The following QKI variants were observed in gnomAD, a reference collection of about 807,000 sequenced individuals.
QKI encodes the protein KH domain-containing RNA-binding protein QKI.
Under a neutral mutation model 39.0 loss-of-function variants are expected in QKI, and 10 were observed. The ratio of observed to expected loss-of-function variants is 0.26; its 90% CI spans 0.16 to 0.43. The LOEUF is 0.43. Among genes scored for constraint, QKI ranks in the 20% least tolerant of loss-of-function variants. The pLI is 1.00. For missense variants in QKI, 218 were observed against 428.0 expected (o/e 0.51, Z 4.33); for synonymous variants, 204 against 155.4 (o/e 1.31, Z -2.33).
chr6:163,514,022 A>G (rs955757074), intron 3 of QKI, among the ~76,000 whole-genome samples: 2 of 152,114 alleles, frequency 1.3e-5, no homozygotes, highest in East Asian at 1.9e-4. Flanking sequence ...GCAGTCCTCT[A>G]CCCTTGACCT....
At chr6:163,454,896 G>A (rs1289096026) in intron 1 of QKI, among the ~76,000 whole-genome samples, 3 of 152,122 alleles carry the variant, frequency 2.0e-5, no homozygotes, top group Non-Finnish European at 4.4e-5. Flanking sequence ...AGAGGCTTTG[G>A]TATTAGTTTT....
intron 3 of QKI, among the ~76,000 whole-genome samples, chr6:163,507,000 A>G (rs1779141420): frequency 6.6e-6 from 1 of 152,166 alleles, no homozygotes; most frequent in South Asian, 2.1e-4. Context: ...TAGAAGACCA[A>G]CTTGATTCTG....
In QKI at chr6:163,468,817, G is replaced by A. The variant is rs139228407; in HGVS notation, c.286-9963G>A. On this transcript the variant is annotated intron_variant, in intron 2 of 7. Transcript: ENST00000361752. ...AATTGAATGAAGCTGCAGAACTGGC[G>A]TGATAAATCAACACAGAATGAATTT... Among the ~76,000 whole-genome samples, 28 of 152,202 alleles carry A rather than the reference G, an allele frequency of 1.8e-4. No individual in the cohort carries two copies. In the East Asian group the frequency reaches 4.6e-3, roughly 25 times the overall value.
chr6:163,562,197 G>C (rs1324281342), intron 5 of QKI, 128 bp downstream of exon 5: 4 of 496,890 alleles, frequency 8.1e-6, no homozygotes, highest in Non-Finnish European at 1.4e-5. Flanking sequence ...TCTGTCACTT[G>C]ATATGGGGCT....
intron 1 of QKI, 72 bp from the exon 2 acceptor site, chr6:163,455,207 C>T: frequency 1.6e-6 from 2 of 1,286,352 alleles, no homozygotes; most frequent in South Asian, 1.6e-5. Flanking sequence ...CTCCCCTGCC[C>T]TCTCTTTTTT....
chr6:163,566,449 A>C (rs1583232900), intron 6 of QKI: 4 of 1,295,180 alleles, frequency 3.1e-6, no homozygotes, highest in Non-Finnish European at 3.9e-6. Context: ...GTTTGGATCT[A>C]ATAGAGCTCA....
chr6:163,561,258 G>A (rs116904808), intron 4 of QKI, among the ~76,000 whole-genome samples: 7 of 152,248 alleles, frequency 4.6e-5, no homozygotes, highest in Middle Eastern at 6.8e-3. Context: ...GTGCACGCGC[G>A]TGTGTGTATG....
intron 3 of QKI, among the ~76,000 whole-genome samples, chr6:163,510,277 A>C (rs1346266655): frequency 6.7e-6 from 1 of 149,710 alleles, no homozygotes; most frequent in African/African-American, 2.5e-5. Context: ...CTAAAAAGCA[A>C]GCCAAGTGCA....
intron 3 of QKI, among the ~76,000 whole-genome samples, chr6:163,528,369 A>G (rs913320545): frequency 2.0e-5 from 3 of 152,082 alleles, no homozygotes; most frequent in Non-Finnish European, 4.4e-5. Flanking sequence ...TTTTAGGTCA[A>G]TTTCTCATGT....
In QKI at chr6:163,517,654, A is replaced by G. The variant is rs918025925; in HGVS notation, c.403-17328A>G. 3.3e-5 allele frequency among the ~76,000 whole-genome samples: 5 copies of G among 152,286 alleles called. No homozygotes were observed. In the East Asian group the frequency reaches 9.6e-4, roughly 29 times the overall value. On this transcript the variant is annotated intron_variant, in intron 3 of 7. Transcript: ENST00000361752. ...ACTAAATGGCCACTGTTTTCCATTTATAGTCCACCTCTTGAAAAAATATAC... is the reference window on the plus strand; with the variant it reads ...ACTAAATGGCCACTGTTTTCCATTTGTAGTCCACCTCTTGAAAAAATATAC...
chr6:163,554,754 G>GC (rs1562538814), intron 4 of QKI, among the ~76,000 whole-genome samples: 1 of 152,194 alleles, frequency 6.6e-6, no homozygotes, highest in Non-Finnish European at 1.5e-5. Flanking sequence ...TGATCATCAT[G>GC]CCTTGTCAGG....
At chr6:163,443,585 A>T (rs1244301118) in intron 1 of QKI, among the ~76,000 whole-genome samples, 2 of 152,130 alleles carry the variant, frequency 1.3e-5, no homozygotes, top group Non-Finnish European at 1.5e-5. Flanking sequence ...CAACAACAAC[A>T]ACTCCTCTTG....
chr6:163,427,243 C>CTT (rs11375326), intron 1 of QKI, among the ~76,000 whole-genome samples: 1,673 of 85,752 alleles, frequency 0.02, 33 homozygotes, highest in East Asian at 0.038. Flanking sequence ...ATACTCGTAC[C>CTT]TTTTTTTTTT....
At chr6:163,478,971 C>A in intron 3 of QKI, 75 bp downstream of exon 3, 1 of 1,304,700 alleles carries the variant, frequency 7.7e-7, no homozygotes, top group Non-Finnish European at 1.1e-6. Flanking sequence ...ATAAAATTTC[C>A]AGATTTTTTT....
intron 1 of QKI, among the ~76,000 whole-genome samples, chr6:163,453,327 A>G (rs890310312): frequency 1.3e-5 from 2 of 151,966 alleles, no homozygotes; most frequent in African/African-American, 2.4e-5. Flanking sequence ...GTTTTCTTTC[A>G]TGCTGCTATT....
chr6:163,504,083 ATTC>A (rs1778950124), intron 3 of QKI, among the ~76,000 whole-genome samples: 2 of 152,006 alleles, frequency 1.3e-5, no homozygotes, highest in Non-Finnish European at 2.9e-5. Context: ...GTCTAATTTT[ATTC>A]TTCTGTGTGT....
intron 5 of QKI, among the ~76,000 whole-genome samples, chr6:163,562,486 C>G (rs1259296614): frequency 6.6e-6 from 1 of 152,122 alleles, no homozygotes; most frequent in African/African-American, 2.4e-5. Flanking sequence ...GAGTTCTGTC[C>G]TTTCACTTTG....
At chr6:163,534,796 A>G (rs908914931) in intron 3 of QKI, among the ~76,000 whole-genome samples, 186 bp from the exon 4 acceptor site, 1 of 152,208 alleles carries the variant, frequency 6.6e-6, no homozygotes, top group Admixed American at 6.5e-5. Context: ...ATTAATTATC[A>G]TTTGACCCAG....
At chr6:163,570,106 A>C (rs1004132393) in intron 7 of QKI, 1 of 986,156 alleles carries the variant, frequency 1.0e-6, no homozygotes, top group Non-Finnish European at 1.2e-6. Context: ...TGTAAATAGA[A>C]TAATTGAAAA....
Sources: allele counts gnomAD v4.1 joint callset (sites outside exome capture counted in the v4.1 genomes callset), GRCh38; gene constraint gnomAD v4.1.1; transcripts MANE v1.5; gene names NCBI Gene and HGNC (gene_info 2026-07-23, HGNC 2026-07-21).